IL17F: variants seen among roughly 807,000 people sequenced by gnomAD.
IL17F encodes the protein interleukin-17F.
Under a neutral mutation model 8.3 loss-of-function variants are expected in IL17F, and 6 were observed. The ratio of observed to expected loss-of-function variants is 0.73; its 90% CI spans 0.40 to 1.43. The LOEUF is 1.43. Ranked by LOEUF, IL17F falls within the 40% of genes most tolerant of loss-of-function variation. The pLI, the probability that IL17F is intolerant of heterozygous loss-of-function variation, is 0.02. For synonymous variants in IL17F, 98 were observed against 81.6 expected (o/e 1.20, Z -1.08); for missense variants, 204 against 209.6 (o/e 0.97, Z 0.17).
Position 52,236,830 on chromosome 6 carries a change from T to A in IL17F, c.*101A>T. The A allele has an allele frequency of 3.4e-6, 3 of 895,018 alleles. No individual in the cohort carries two copies. The South Asian group carries it at 3.9e-5, about 12-fold the overall frequency. 55.4% of individuals were successfully genotyped at this position (895,018 alleles called of 1,614,324 possible). The stretch of plus-strand genomic sequence containing the variant: ...TCCGTGCAGGTCTTATTAAGAGTCC[T>A]GTGAAGTGGAGGGAATTGGGGGTCA... On this transcript the variant is annotated 3_prime_UTR_variant, in exon 3 of 3. Coordinates refer to ENST00000336123, the MANE Select transcript of IL17F (RefSeq NM_052872.4).
At chr6:52,241,386 CT>C (rs939265130) in intron 1 of IL17F, among the ~76,000 whole-genome samples, 3 of 151,124 alleles carry the variant, frequency 2.0e-5, no homozygotes, top group South Asian at 2.1e-4. Context: ...CCTGCTATGA[CT>C]TTTTTTTTAA....
At chr6:52,240,119 C>T (rs981974310) in intron 1 of IL17F, among the ~76,000 whole-genome samples, 1 of 152,178 alleles carries the variant, frequency 6.6e-6, no homozygotes, top group African/African-American at 2.4e-5. Context: ...CAAGGCCCAT[C>T]ACCAACTCTC....
intron 1 of IL17F, among the ~76,000 whole-genome samples, chr6:52,242,868 C>T (rs200433462): frequency 8.1e-6 from 1 of 124,028 alleles, no homozygotes; most frequent in Admixed American, 8.0e-5. Context: ...GCCAAATTAA[C>T]TGAAAATTAA....
At chr6:52,239,505 C>T (rs904003059) in intron 1 of IL17F, among the ~76,000 whole-genome samples, 2 of 152,156 alleles carry the variant, frequency 1.3e-5, no homozygotes, top group Admixed American at 1.3e-4. Flanking sequence ...AAAATCCTAC[C>T]CTTCCATTAA....
chr6:52,238,086 G>A (rs1319027284), intron 2 of IL17F, among the ~76,000 whole-genome samples: 1 of 152,200 alleles, frequency 6.6e-6, no homozygotes, highest in Non-Finnish European at 1.5e-5. Context: ...TATCTTCCCA[G>A]TTCGAGGCAG....
intron 1 of IL17F, among the ~76,000 whole-genome samples, chr6:52,239,486 CTG>C: frequency 6.6e-6 from 1 of 152,304 alleles, no homozygotes; most frequent in Admixed American, 6.5e-5. Flanking sequence ...CTAGAATACT[CTG>C]TCTGTCAAAA....
intron 2 of IL17F, 61 bp downstream of exon 2, chr6:52,238,669 G>T: frequency 7.4e-7 from 1 of 1,344,900 alleles, no homozygotes; most frequent in Non-Finnish European, 1.1e-6. Context: ...TCTACTTTAT[G>T]ATTAGAATGA....
rs184756049 is a variant in IL17F, at chr6:52,236,805, T to C, written c.*126A>G. 9 of 790,124 alleles carry C rather than the reference T, an allele frequency of 1.1e-5. No individual in the cohort carries two copies. In the Admixed American group the frequency reaches 1.5e-4, roughly 13 times the overall value. The allele number at this position is 790,124 out of a possible 1,614,324, so 48.9% of individuals were successfully genotyped here. On this transcript the variant is annotated 3_prime_UTR_variant, in exon 3 of 3. Transcript: ENST00000336123. ...ACATTGTGAATATTTTCTGTTTCCA[T>C]CCGTGCAGGTCTTATTAAGAGTCCT...
rs1763966748 is a variant in IL17F at position 52,236,761 on chromosome 6, G to C, written c.*170C>G. On this transcript the variant is annotated 3_prime_UTR_variant, in exon 3 of 3. Coordinates refer to ENST00000336123, the MANE Select transcript of IL17F (RefSeq NM_052872.4). ...TAACATTTTAGATATCAAATATAAAGTGTAGTACATACACACATACATTGT... is the reference window on the plus strand; with the variant it reads ...TAACATTTTAGATATCAAATATAAACTGTAGTACATACACACATACATTGT... 6 of 675,308 alleles carry C rather than the reference G, an allele frequency of 8.9e-6. No homozygotes were observed. In the East Asian group the frequency reaches 1.6e-4, roughly 18 times the overall value. The allele number at this position is 675,308 out of a possible 1,614,324, so 41.8% of individuals were successfully genotyped here.
upstream of IL17F, among the ~76,000 whole-genome samples, chr6:52,244,905 C>G (rs1451541953): frequency 1.3e-5 from 2 of 152,134 alleles, no homozygotes; most frequent in Non-Finnish European, 2.9e-5. Flanking sequence ...CTTAGAGGAG[C>G]CTTGGTACTA....
intron 1 of IL17F, 87 bp from the exon 2 acceptor site, chr6:52,239,037 T>C (rs1764021900): frequency 8.7e-7 from 1 of 1,148,696 alleles, no homozygotes; most frequent in Admixed American, 1.8e-5. Flanking sequence ...TCAGCATTCC[T>C]GTCCTTTTAT....
chr6:52,237,303 C>A, intron 2 of IL17F, 135 bp from the exon 3 acceptor site: 1 of 677,322 alleles, frequency 1.5e-6, no homozygotes, highest in Non-Finnish European at 2.6e-6. Flanking sequence ...TGGAGCCACA[C>A]AGCCTGGAAG....
chr6:52,238,640 T>C (rs1331862367), intron 2 of IL17F, 90 bp downstream of exon 2: 2 of 1,127,252 alleles, frequency 1.8e-6, no homozygotes, highest in Non-Finnish European at 2.6e-6. Context: ...CTTTTATTTT[T>C]TCTATGTATT....
Position 52,237,089 on chromosome 6 carries a change from C to T in IL17F, c.334G>A (p.Gly112Arg), listed in dbSNP as rs1213524690. ...GAATTCATGGAGATGTCTTCCTTTC[C>T]TTGAGCATTGATGCAGCCCAAGTTC... ...CRNLGCINAQGKEDISMNSVP... is the reference protein window; with the variant it reads ...CRNLGCINAQRKEDISMNSVP... Residue 112 changes from glycine (G) to arginine (R), a missense_variant, in exon 3 of 3, where the codon GGA becomes AGA. Transcript: ENST00000336123. 8.7e-6 allele frequency: 14 copies of T among 1,614,096 alleles called. No homozygotes were observed. The highest frequency in any genetic ancestry group is 1.7e-5 in the Admixed American group (1 of 60,004).
intron 1 of IL17F, among the ~76,000 whole-genome samples, chr6:52,244,080 A>C (rs189710192): frequency 6.6e-6 from 1 of 151,894 alleles, no homozygotes; most frequent in Admixed American, 6.6e-5. Flanking sequence ...TTTTTAGTAG[A>C]GACCGGGTTT....
In IL17F at chr6:52,237,097, T is replaced by C; in HGVS notation, c.326A>G (p.Asn109Ser). The C allele has an allele frequency of 6.2e-7, 1 of 1,614,206 alleles. No homozygotes were observed. Among genetic ancestry groups the C allele is most frequent in the Non-Finnish European group, 8.5e-7 (1 of 1,180,032 alleles). Residue 109 changes from asparagine to serine, a missense_variant, in exon 3 of 3, where the codon AAT (asparagine) becomes AGT (serine). Asn to Ser is a conservative substitution (Grantham distance 46). Transcript: ENST00000336123. ...GGAGATGTCTTCCTTTCCTTGAGCA[T>C]TGATGCAGCCCAAGTTCCTACACTG... is the stretch of plus-strand genomic sequence containing the variant. The part of the protein sequence containing the change: ...QAQCRNLGCI[N>S]AQGKEDISMN...
chr6:52,239,786 T>C (rs895139919), intron 1 of IL17F, among the ~76,000 whole-genome samples: 2 of 152,206 alleles, frequency 1.3e-5, no homozygotes, highest in Non-Finnish European at 2.9e-5. Flanking sequence ...AATTGAACTA[T>C]ATAGTTAAGC....
chr6:52,245,492 A>G (rs138090077), upstream of IL17F, among the ~76,000 whole-genome samples: 1 of 152,364 alleles, frequency 6.6e-6, no homozygotes, highest in African/African-American at 2.4e-5. Context: ...GATATTTTTA[A>G]GGATACAAGT....
chr6:52,236,991 C>T lies in IL17F; in HGVS notation c.432G>A (p.Glu144=), dbSNP rs1211486552. The T allele has an allele frequency of 3.7e-6, 6 of 1,614,120 alleles. No homozygotes were observed. Among genetic ancestry groups the T allele is most frequent in the Non-Finnish European group, 5.1e-6 (6 of 1,180,036 alleles). The part of the protein sequence containing the change: ...HQGCSVSFQL[E]KVLVTVGCTC... ...TGCAGCCAACAGTCACCAGCACCTT[C>T]TCCAACTGGAAAGAAACAGAGCAGC... Residue 144 remains glutamate, a synonymous_variant, in exon 3 of 3, where the codon GAG becomes GAA. Coordinates refer to ENST00000336123, the MANE Select transcript of IL17F (RefSeq NM_052872.4).
Sources: allele counts gnomAD v4.1 joint callset (sites outside exome capture counted in the v4.1 genomes callset), GRCh38; gene constraint gnomAD v4.1.1; transcripts MANE v1.5; gene names NCBI Gene and HGNC (gene_info 2026-07-23, HGNC 2026-07-21).